Variants in MRAP2 observed in about 807,000 individuals in gnomAD.
MRAP2 encodes melanocortin-2 receptor accessory protein 2.
A neutral mutation model predicts 17.4 loss-of-function variants in MRAP2; 20 were observed. The ratio of observed to expected loss-of-function variants is 1.15; its 90% CI spans 0.81 to 1.67. The LOEUF is 1.67. Ranked by LOEUF, MRAP2 falls within the 40% of genes most tolerant of loss-of-function variation. The probability of loss-of-function intolerance (pLI) is 0.00; values close to 1 mark genes in which losing one functional copy is unlikely to be tolerated. For missense variants in MRAP2, 238 were observed against 240.0 expected (o/e 0.99, Z 0.05); for synonymous variants, 96 against 88.4 (o/e 1.09, Z -0.48).
chr6:84,079,981 G>T (rs1393222605), intron 3 of MRAP2, among the ~76,000 whole-genome samples: 2 of 151,760 alleles, frequency 1.3e-5, no homozygotes, highest in Non-Finnish European at 2.9e-5. Context: ...TCATGCATGA[G>T]GACCCTCGTT....
At chr6:84,083,210 T>C (rs1036196259) in intron 3 of MRAP2, among the ~76,000 whole-genome samples, 1 of 152,204 alleles carries the variant, frequency 6.6e-6, no homozygotes, top group African/African-American at 2.4e-5. Context: ...AAATCCCTTG[T>C]TTGAGTGTTC....
At chr6:84,138,885 G>A in the MRAP2 span, among the ~76,000 whole-genome samples, 1 of 152,158 alleles carries the variant, frequency 6.6e-6, no homozygotes, top group African/African-American at 2.4e-5. Flanking sequence ...AATGCACAAT[G>A]CTGAACTAGC....
At chr6:84,132,235 T>C in the MRAP2 span, among the ~76,000 whole-genome samples, 1 of 152,212 alleles carries the variant, frequency 6.6e-6, no homozygotes, top group Non-Finnish European at 1.5e-5. Flanking sequence ...GGGCTTCCCT[T>C]TGTGGGTAAG....
At chr6:84,130,595 T>C in the MRAP2 span, among the ~76,000 whole-genome samples, 7 of 152,226 alleles carry the variant, frequency 4.6e-5, no homozygotes, top group African/African-American at 1.7e-4. Flanking sequence ...GGAGGGTGTA[T>C]GTGTCCAGGA....
At chr6:84,045,958 T>C (rs2099488910) in intron 1 of MRAP2, among the ~76,000 whole-genome samples, 1 of 152,186 alleles carries the variant, frequency 6.6e-6, no homozygotes, top group Non-Finnish European at 1.5e-5. Context: ...CTACATCCCT[T>C]CTGGTTCTTT....
the MRAP2 span, among the ~76,000 whole-genome samples, chr6:84,138,805 C>A: frequency 6.6e-6 from 1 of 152,164 alleles, no homozygotes; most frequent in Non-Finnish European, 1.5e-5. Context: ...AACTTTACTT[C>A]AGTTCTGAGG....
chr6:84,089,567 G>GT lies in MRAP2; in HGVS notation c.*89dup, dbSNP rs1355461523. ...ATCTACATCCACCAAAATTGTGTGTGTTTGGGGGAGAGAGAGACATAGAGA... is the reference window on the plus strand; with the variant it reads ...ATCTACATCCACCAAAATTGTGTGTGTTTTGGGGGAGAGAGAGACATAGAGA... On this transcript the variant is annotated 3_prime_UTR_variant, in exon 4 of 4. Coordinates refer to ENST00000257776, the MANE Select transcript of MRAP2 (RefSeq NM_138409.4). 6.9e-7 allele frequency: 1 copy of GT among 1,450,264 alleles called. No homozygotes were observed. The highest frequency in any genetic ancestry group is 1.4e-5 in the African/African-American group (1 of 69,238). 89.8% of individuals were successfully genotyped at this position (1,450,264 alleles called of 1,614,324 possible). A position where few individuals can be genotyped will look rare whatever the true frequency, so the allele number is the denominator to read the frequency against.
chr6:84,048,966 C>T (rs1164453401), intron 1 of MRAP2, among the ~76,000 whole-genome samples: 4 of 152,038 alleles, frequency 2.6e-5, no homozygotes, highest in African/African-American at 9.7e-5. Context: ...GAGGTGCAGT[C>T]GCATCTCAGG....
the MRAP2 span, among the ~76,000 whole-genome samples, chr6:84,122,275 G>A: frequency 2.1e-5 from 3 of 146,190 alleles, no homozygotes; most frequent in South Asian, 4.3e-4. Flanking sequence ...AAAGAGAACT[G>A]CAGGCCAGTC....
chr6:84,143,761 T>G, the MRAP2 span, among the ~76,000 whole-genome samples: 1 of 152,014 alleles, frequency 6.6e-6, no homozygotes, highest in African/African-American at 2.4e-5. Context: ...GAAACTGGTT[T>G]TCTCTCTTAA....
chr6:84,135,038 T>C, the MRAP2 span, among the ~76,000 whole-genome samples: 2 of 152,066 alleles, frequency 1.3e-5, no homozygotes, highest in Non-Finnish European at 1.5e-5. Context: ...TTTGCATATG[T>C]ACACACATGA....
chr6:84,041,541 C>T (rs1446305276), intron 1 of MRAP2, among the ~76,000 whole-genome samples: 1 of 152,224 alleles, frequency 6.6e-6, no homozygotes, highest in Non-Finnish European at 1.5e-5. Context: ...TGTGAAGGCG[C>T]CAGGAGGGGG....
chr6:84,121,762 A>C, the MRAP2 span, among the ~76,000 whole-genome samples: 4 of 152,222 alleles, frequency 2.6e-5, no homozygotes, highest in Admixed American at 2.6e-4. Context: ...AAATGAAAAT[A>C]GAGACATAAC....
Position 84,090,773 on chromosome 6 carries a change from G to A in MRAP2, c.*1292G>A, listed in dbSNP as rs8348. On this transcript the variant is annotated 3_prime_UTR_variant, in exon 4 of 4. Transcript: ENST00000257776. ...TGGTATTAAAACAACTTGATTTTGC[G>A]CACACAGTTGCATGCATGGCAAGCT... 0.2 allele frequency: 30,394 copies of A among 152,118 alleles called. 6,253 individuals carry two copies. Among genetic ancestry groups the A allele is most frequent in the African/African-American group, 0.53 (21,836 of 41,468 alleles). The allele number at this position is 152,118 out of a possible 1,614,324, so 9.4% of individuals were successfully genotyped here.
At chr6:84,050,814 T>G (rs1176839836) in intron 1 of MRAP2, among the ~76,000 whole-genome samples, 7 of 152,056 alleles carry the variant, frequency 4.6e-5, no homozygotes. Context: ...AAGAGGAAGG[T>G]GAGAGAGTCA....
the MRAP2 span, among the ~76,000 whole-genome samples, chr6:84,096,920 G>A: frequency 2.0e-5 from 3 of 152,158 alleles, no homozygotes; most frequent in Admixed American, 1.3e-4. Context: ...CCCTGTGTGG[G>A]CACTAGCAGC....
intron 1 of MRAP2, among the ~76,000 whole-genome samples, chr6:84,036,387 C>A (rs1052072112): frequency 6.6e-5 from 10 of 152,128 alleles, no homozygotes; most frequent in African/African-American, 2.4e-4. Flanking sequence ...TTGGTGGGTT[C>A]TTGGTCTCAC....
chr6:84,055,209 G>T (rs1190611300), intron 1 of MRAP2, 103 bp from the exon 2 acceptor site: 1 of 1,361,706 alleles, frequency 7.3e-7, no homozygotes, highest in Non-Finnish European at 1.0e-6. Context: ...CTCCTCAAGG[G>T]GTTTGCTGCC....
the MRAP2 span, among the ~76,000 whole-genome samples, chr6:84,138,677 TTAAAG>T: frequency 1.7e-3 from 258 of 152,336 alleles, 1 homozygote; most frequent in African/African-American, 5.8e-3. Flanking sequence ...TTAGATATTC[TTAAAG>T]TAAGAACTGT....
Sources: allele counts gnomAD v4.1 joint callset (sites outside exome capture counted in the v4.1 genomes callset), GRCh38; gene constraint gnomAD v4.1.1; transcripts MANE v1.5; gene names NCBI Gene and HGNC (gene_info 2026-07-23, HGNC 2026-07-21).